The following SPIN1 variants were observed in gnomAD, a reference collection of about 807,000 sequenced individuals.
The protein encoded by SPIN1 is spindlin 1.
SPIN1 carries 3 observed loss-of-function variants against 26.0 expected under a neutral mutation model. The observed-to-expected ratio is 0.12, with a 90% CI of 0.05 to 0.30. The LOEUF is 0.30. SPIN1 is among the 10% of genes least tolerant of loss of function. The probability of loss-of-function intolerance (pLI) is 1.00; values close to 1 mark genes in which losing one functional copy is unlikely to be tolerated. For synonymous variants in SPIN1, 101 were observed against 116.5 expected (o/e 0.87, Z 0.86); for missense variants, 126 against 333.4 (o/e 0.38, Z 4.84).
At chr9:88,457,183 GCTT>G (rs34224515) in intron 3 of SPIN1, among the ~76,000 whole-genome samples, 27,570 of 151,924 alleles carry the variant, frequency 0.18, 3,242 homozygotes, top group African/African-American at 0.34. Flanking sequence ...AGGTTGACCA[GCTT>G]CTTATGAGGG....
intron 1 of SPIN1, among the ~76,000 whole-genome samples, chr9:88,388,931 C>T (rs1826852702): frequency 6.8e-6 from 1 of 146,738 alleles, no homozygotes; most frequent in African/African-American, 2.5e-5. Context: ...CGCAGTCGGG[C>T]GCGGGGAGGG....
intron 2 of SPIN1, among the ~76,000 whole-genome samples, chr9:88,439,963 A>G (rs1029624964): frequency 2.6e-5 from 4 of 152,176 alleles, no homozygotes; most frequent in Admixed American, 1.3e-4. Flanking sequence ...TAGATCAGTG[A>G]CACAGAAAAT....
At chr9:88,434,270 A>G (rs1827948929) in intron 2 of SPIN1, among the ~76,000 whole-genome samples, 1 of 151,948 alleles carries the variant, frequency 6.6e-6, no homozygotes, top group African/African-American at 2.4e-5. Context: ...GGTTTAGTAT[A>G]GTTTAACTGT....
intron 4 of SPIN1, among the ~76,000 whole-genome samples, chr9:88,467,895 A>G (rs886490141): frequency 1.3e-5 from 2 of 151,430 alleles, no homozygotes; most frequent in East Asian, 1.9e-4. Context: ...TAGCTTTTCT[A>G]AGTTTTAAAT....
chr9:88,475,332 A>G lies in SPIN1; in HGVS notation c.*55A>G, dbSNP rs1828869846. On this transcript the variant is annotated 3_prime_UTR_variant, in exon 6 of 6. Coordinates refer to ENST00000375859, the MANE Select transcript of SPIN1 (RefSeq NM_006717.3). ...GAACTATGAAATGTATTATTTGTAG[A>G]CATAAAGACTTGATTGCTTTCCAGT... 2 of 1,554,800 alleles carry G rather than the reference A, an allele frequency of 1.3e-6. No homozygotes were observed. The highest frequency in any genetic ancestry group is 1.8e-5 in the Admixed American group (1 of 56,960).
chr9:88,426,060 AT>A, intron 1 of SPIN1, among the ~76,000 whole-genome samples: 1 of 152,142 alleles, frequency 6.6e-6, no homozygotes, highest in African/African-American at 2.4e-5. Context: ...CCCTTTTCTG[AT>A]TTCTAGCAGC....
At chr9:88,393,178 C>A (rs1826969278) in intron 1 of SPIN1, among the ~76,000 whole-genome samples, 1 of 141,822 alleles carries the variant, frequency 7.1e-6, no homozygotes. Flanking sequence ...GAAGAATTTA[C>A]TCAATGTAAA....
At chr9:88,441,414 T>TGTGTGTGTGTGTGTGTGTGTGTGCGC in intron 2 of SPIN1, among the ~76,000 whole-genome samples, 11 of 141,268 alleles carry the variant, frequency 7.8e-5, no homozygotes, top group African/African-American at 2.3e-4. Context: ...TGTGTGTGTG[T>TGTGTGTGTGTGTGTGTGTGTGTGCGC]GCGCGCGCGC....
intron 2 of SPIN1, among the ~76,000 whole-genome samples, chr9:88,439,997 G>A (rs977683027): frequency 1.3e-5 from 2 of 152,068 alleles, no homozygotes; most frequent in African/African-American, 2.4e-5. Flanking sequence ...GAGTAATACC[G>A]TGTCATATTT....
intron 4 of SPIN1, among the ~76,000 whole-genome samples, chr9:88,465,910 A>C (rs1828658499): frequency 6.6e-6 from 1 of 152,244 alleles, no homozygotes; most frequent in South Asian, 2.1e-4. Context: ...TGAGTGCTAA[A>C]GCAGATATGA....
chr9:88,420,474 C>G (rs780552608), intron 1 of SPIN1, among the ~76,000 whole-genome samples: 1 of 152,200 alleles, frequency 6.6e-6, no homozygotes, highest in Non-Finnish European at 1.5e-5. Context: ...TGGAGCCAGC[C>G]AGTCCTCTGA....
At position 88,470,629 on chromosome 9, in the gene SPIN1, C is replaced by T. The variant is rs1391163390; in HGVS notation, c.589+2024C>T. On this transcript the variant is annotated intron_variant, in intron 5 of 5. Coordinates refer to ENST00000375859, the MANE Select transcript of SPIN1 (RefSeq NM_006717.3). ...TTTTTTTTTGAGACAGAGTCTTGCT[C>T]TGTCGCCCAGGCTGGAGTGCATTGG... is the stretch of plus-strand genomic sequence containing the variant. 2.7e-5 allele frequency among the ~76,000 whole-genome samples: 4 copies of T among 148,164 alleles called. 1 individual carries two copies. Among genetic ancestry groups the T allele is most frequent in the African/African-American group, 5.0e-5 (2 of 39,814 alleles).
At chr9:88,438,102 G>C (rs1164879163) in intron 2 of SPIN1, among the ~76,000 whole-genome samples, 1 of 151,090 alleles carries the variant, frequency 6.6e-6, no homozygotes, top group Non-Finnish European at 1.5e-5. Flanking sequence ...AGTGCATCGA[G>C]ATCATGCTGC....
At chr9:88,466,610 A>G (rs979708227) in intron 4 of SPIN1, among the ~76,000 whole-genome samples, 11 of 152,234 alleles carry the variant, frequency 7.2e-5, no homozygotes, top group Admixed American at 1.3e-4. Flanking sequence ...ATACATGTTT[A>G]GGGTTTGCTG....
At position 88,467,277 on chromosome 9, in the gene SPIN1, T is replaced by G. The variant is rs188134989; in HGVS notation, c.356-1095T>G. 2.0e-5 allele frequency among the ~76,000 whole-genome samples: 3 copies of G among 152,290 alleles called. No homozygotes were observed. The East Asian group carries it at 5.8e-4, about 29-fold the overall frequency. On this transcript the variant is annotated intron_variant, in intron 4 of 5. Transcript: ENST00000375859. ...CTCCCAACCACATGGGGTATCTGAT[T>G]AAATCATACAAATACTGACCTGCTA...
chr9:88,454,152 A>G (rs1828421371), intron 3 of SPIN1, among the ~76,000 whole-genome samples: 1 of 152,146 alleles, frequency 6.6e-6, no homozygotes, highest in Non-Finnish European at 1.5e-5. Context: ...TATTTGTTTT[A>G]CAGTATTGCT....
chr9:88,442,272 G>A (rs1420370262), intron 2 of SPIN1, among the ~76,000 whole-genome samples: 2 of 151,548 alleles, frequency 1.3e-5, no homozygotes, highest in African/African-American at 4.9e-5. Context: ...TAAGTTAGTA[G>A]TTTTTTTTCC....
At chr9:88,458,385 C>G (rs751538981) in intron 3 of SPIN1, among the ~76,000 whole-genome samples, 1 of 152,108 alleles carries the variant, frequency 6.6e-6, no homozygotes, top group African/African-American at 2.4e-5. Context: ...TAAAGGACCC[C>G]GGGTCCAGTT....
At chr9:88,443,589 T>G (rs1828184245) in intron 2 of SPIN1, among the ~76,000 whole-genome samples, 2 of 152,270 alleles carry the variant, frequency 1.3e-5, no homozygotes, top group Admixed American at 6.5e-5. Context: ...TTGTTTTCTC[T>G]GTTAATACTG....
Sources: gnomAD v4.1 joint callset for allele counts (sites outside exome capture counted in the v4.1 genomes callset) on GRCh38, gnomAD v4.1.1 for gene constraint, MANE v1.5 for transcripts, NCBI Gene and HGNC (gene_info 2026-07-23, HGNC 2026-07-21) for gene names.